Variants in TMEM132C observed in about 807,000 individuals in gnomAD.
TMEM132C encodes protein phosphatase 1, regulatory subunit 152.
Under a neutral mutation model 61.4 loss-of-function variants are expected in TMEM132C, and 29 were observed. The ratio of observed to expected loss-of-function variants is 0.47; its 90% CI spans 0.35 to 0.64. TMEM132C has a LOEUF of 0.64. Ranked by LOEUF, TMEM132C falls within the 30% of genes least tolerant of loss-of-function variation. The pLI, the probability that TMEM132C is intolerant of heterozygous loss-of-function variation, is 0.00. For missense variants in TMEM132C, 1,408 were observed against 1,476.9 expected, an observed-to-expected ratio of 0.95 and a Z score of 0.76; for synonymous variants, 656 against 633.1, an observed-to-expected ratio of 1.04 and a Z score of -0.54.
At chr12:128,590,967 G>A (rs1875728976) in intron 3 of TMEM132C, among the ~76,000 whole-genome samples, 1 of 152,082 alleles carries the variant, frequency 6.6e-6, no homozygotes, top group African/African-American at 2.4e-5. Flanking sequence ...ATGATTTGTA[G>A]AGAAGGGGCC....
chr12:128,608,005 C>T (rs1184679890), intron 3 of TMEM132C, among the ~76,000 whole-genome samples: 2 of 152,082 alleles, frequency 1.3e-5, no homozygotes, highest in Non-Finnish European at 2.9e-5. Flanking sequence ...GGAAGGGATG[C>T]AAATGTCATT....
chr12:128,497,267 T>C (rs376043354), intron 2 of TMEM132C, among the ~76,000 whole-genome samples: 1 of 152,246 alleles, frequency 6.6e-6, no homozygotes, highest in African/African-American at 2.4e-5. Context: ...CCAGTTAGGC[T>C]ACTCGGGGTC....
chr12:128,579,456 CCCT>C (rs1226946254), intron 3 of TMEM132C, among the ~76,000 whole-genome samples: 2 of 152,158 alleles, frequency 1.3e-5, no homozygotes, highest in African/African-American at 4.8e-5. Context: ...CATTACCCAC[CCCT>C]CCTCCCAACA....
chr12:128,650,995 G>A (rs1035874673), intron 4 of TMEM132C, among the ~76,000 whole-genome samples: 9 of 152,168 alleles, frequency 5.9e-5, no homozygotes, highest in Non-Finnish European at 2.9e-5. Flanking sequence ...AGCAGCATGG[G>A]TATAAATCTC....
intron 2 of TMEM132C, among the ~76,000 whole-genome samples, chr12:128,497,485 C>T (rs1185576541): frequency 6.6e-6 from 1 of 152,306 alleles, no homozygotes; most frequent in South Asian, 2.1e-4. Context: ...CCACCAAGTT[C>T]GAGCTTCCCG....
At chr12:128,428,990 A>T (rs556347721) in intron 2 of TMEM132C, among the ~76,000 whole-genome samples, 14 of 152,356 alleles carry the variant, frequency 9.2e-5, no homozygotes, top group Non-Finnish European at 1.3e-4. Context: ...CAGAGAGTCT[A>T]TTGCAACTAT....
At chr12:128,419,011 G>A (rs550224495) in intron 2 of TMEM132C, among the ~76,000 whole-genome samples, 1 of 152,246 alleles carries the variant, frequency 6.6e-6, no homozygotes, top group South Asian at 2.1e-4. Context: ...CAATGTGCAA[G>A]TATCCAACCA....
intron 2 of TMEM132C, among the ~76,000 whole-genome samples, chr12:128,440,948 G>C (rs1388561261): frequency 6.6e-6 from 1 of 151,906 alleles, no homozygotes; most frequent in Non-Finnish European, 1.5e-5. Context: ...GGCTGAGGCA[G>C]GACAATCGCT....
intron 3 of TMEM132C, among the ~76,000 whole-genome samples, chr12:128,574,602 G>A (rs1248302860): frequency 1.3e-5 from 2 of 152,158 alleles, no homozygotes; most frequent in Non-Finnish European, 2.9e-5. Context: ...CTTCCCAGTG[G>A]CCCCCTTCTG....
At chr12:128,364,491 G>A (rs7958031) in intron 1 of TMEM132C, among the ~76,000 whole-genome samples, 1 of 152,162 alleles carries the variant, frequency 6.6e-6, no homozygotes, top group African/African-American at 2.4e-5. Context: ...ATTTAGATTC[G>A]CTGCCTGGAC....
At position 128,617,660 on chromosome 12, in the gene TMEM132C, GCAGGTGTAGAGTCAGGTGGGA is replaced by G. The variant is rs1393043946; in HGVS notation, c.1305+1333_1305+1353del. Among the ~76,000 whole-genome samples, 221 of 152,222 alleles carry G rather than the reference GCAGGTGTAGAGTCAGGTGGGA, an allele frequency of 1.5e-3. 1 individual carries two copies. Among genetic ancestry groups the G allele is most frequent in the Middle Eastern group, 3.4e-3 (1 of 294 alleles). On this transcript the variant is annotated intron_variant, in intron 4 of 8. Transcript: ENST00000435159. ...TGGGGCAGGTGTGGAATCAGGTGGG[GCAGGTGTAGAGTCAGGTGGGA>G]CAGGTGTGGAATCAGGTAGGGCAGG...
At chr12:128,461,380 T>C (rs1408948364) in intron 2 of TMEM132C, among the ~76,000 whole-genome samples, 1 of 152,202 alleles carries the variant, frequency 6.6e-6, no homozygotes. Flanking sequence ...TCAAATACTT[T>C]GAGTTATTTT....
chr12:128,309,689 G>A (rs1871906468), intron 1 of TMEM132C, among the ~76,000 whole-genome samples: 1 of 151,164 alleles, frequency 6.6e-6, no homozygotes, highest in African/African-American at 2.4e-5. Context: ...AGTTTCATCT[G>A]TGCTGTAAAA....
chr12:128,621,778 T>G (rs942720915), intron 4 of TMEM132C, among the ~76,000 whole-genome samples: 2 of 152,202 alleles, frequency 1.3e-5, no homozygotes, highest in African/African-American at 4.8e-5. Flanking sequence ...CTCTCTGGGC[T>G]CCAGCATCTC....
At chr12:128,370,682 A>C (rs1874001651) in intron 1 of TMEM132C, among the ~76,000 whole-genome samples, 1 of 152,082 alleles carries the variant, frequency 6.6e-6, no homozygotes. Context: ...CTTGACTCTA[A>C]GCCAGTGTGA....
At chr12:128,603,126 A>G (rs61462764) in intron 3 of TMEM132C, among the ~76,000 whole-genome samples, 4,232 of 152,184 alleles carry the variant, frequency 0.028, 208 homozygotes, top group African/African-American at 0.097. Context: ...TTCATGACAC[A>G]TTGGCTTCAG....
rs551258728 is a variant in TMEM132C at position 128,467,074 on chromosome 12, G to A, written c.974+51454G>A. ...TGAGGCAGCTGGAAGGTCAGGCAGG[G>A]ACAGTGGAATTGTTGAAACCTCCCA... On this transcript the variant is annotated intron_variant, in intron 2 of 8. Transcript: ENST00000435159. 1.1e-3 allele frequency among the ~76,000 whole-genome samples: 165 copies of A among 152,288 alleles called. 1 individual carries two copies. Among genetic ancestry groups the A allele is most frequent in the Non-Finnish European group, 2.0e-3 (139 of 68,030 alleles).
At chr12:128,538,092 G>A (rs1239680756) in intron 2 of TMEM132C, among the ~76,000 whole-genome samples, 1 of 149,682 alleles carries the variant, frequency 6.7e-6, no homozygotes, top group Non-Finnish European at 1.5e-5. Flanking sequence ...TGTCATATGG[G>A]GCTTAATAGT....
intron 1 of TMEM132C, among the ~76,000 whole-genome samples, chr12:128,316,323 T>G (rs1004584504): frequency 5.3e-5 from 8 of 152,154 alleles, no homozygotes; most frequent in African/African-American, 1.9e-4. Flanking sequence ...GCAAAACCAC[T>G]GGGGCGAGGT....
Sources: allele counts gnomAD v4.1 joint callset (sites outside exome capture counted in the v4.1 genomes callset), GRCh38; gene constraint gnomAD v4.1.1; transcripts MANE v1.5; gene names NCBI Gene and HGNC (gene_info 2026-07-23, HGNC 2026-07-21).